Variants in STARD3 observed in about 807,000 individuals in gnomAD.
STARD3 encodes the protein StAR related lipid transfer domain containing 3, also known as stAR-related lipid transfer protein 3.
In STARD3, 39 loss-of-function variants were observed where a neutral mutation model predicts 62.0. The observed-to-expected ratio is 0.63, with a 90% confidence interval of 0.49 to 0.82. The LOEUF is 0.82. STARD3 is among the 40% of genes least tolerant of loss of function. The pLI is 0.00. For synonymous variants in STARD3, 229 were observed against 242.4 expected, an observed-to-expected ratio of 0.94 and a Z score of 0.51; for missense variants, 543 against 584.5, an observed-to-expected ratio of 0.93 and a Z score of 0.73.
intron 3 of STARD3, 45 bp from the exon 4 acceptor site, chr17:39,657,730 G>A (rs879057010): frequency 6.2e-7 from 1 of 1,607,428 alleles, no homozygotes; most frequent in South Asian, 1.1e-5. Context: ...AGCAGGGTGG[G>A]GGGCAGTAGC....
intron 2 of STARD3, among the ~76,000 whole-genome samples, chr17:39,655,067 A>C (rs577149038): frequency 6.6e-6 from 1 of 152,262 alleles, no homozygotes; most frequent in Non-Finnish European, 1.5e-5. Flanking sequence ...GGTCTTAGGC[A>C]GACTTCCTTT....
chr17:39,645,738 C>T (rs1226533200), intron 1 of STARD3, among the ~76,000 whole-genome samples: 1 of 150,498 alleles, frequency 6.6e-6, no homozygotes, highest in Non-Finnish European at 1.5e-5. Flanking sequence ...TCCCAAAGGG[C>T]TGAGCCACTG....
intron 1 of STARD3, among the ~76,000 whole-genome samples, chr17:39,639,023 C>G (rs551070163): frequency 2.0e-5 from 3 of 152,186 alleles, no homozygotes; most frequent in African/African-American, 4.8e-5. Flanking sequence ...GTGGGAGGAT[C>G]CTTTGAGCCC....
rs2057177323 is a variant in STARD3 at position 39,659,994 on chromosome 17, C to G, written c.796-217C>G. On this transcript the variant is annotated intron_variant, in intron 9 of 14. Transcript: ENST00000336308. ...TTTTGTGGTTGCAGCTGCAGCTGTC[C>G]CCCCGTCTTTTAACTCGACATCAAA... 19 of 591,922 alleles carry G rather than the reference C, an allele frequency of 3.2e-5. No individual in the cohort carries two copies. The South Asian group carries it at 3.7e-4, about 11-fold the overall frequency. The allele number at this position is 591,922 out of a possible 1,614,324, so 36.7% of individuals were successfully genotyped here.
chr17:39,653,392 A>G lies in STARD3; in HGVS notation c.-51-89A>G, dbSNP rs1021848427. On this transcript the variant is annotated intron_variant, in intron 1 of 14. Coordinates refer to ENST00000336308, the MANE Select transcript of STARD3 (RefSeq NM_006804.4). ...GGGCTTGGGACCCAGTGTAGAGACAAATGCGTTTGGGAGCCAGTGGTGGCC... is the reference window on the plus strand; with the variant it reads ...GGGCTTGGGACCCAGTGTAGAGACAGATGCGTTTGGGAGCCAGTGGTGGCC... The G allele has an allele frequency of 4.6e-6, 4 of 876,552 alleles. No individual in the cohort carries two copies. In the African/African-American group the frequency reaches 6.7e-5, roughly 15 times the overall value. The allele number at this position is 876,552 out of a possible 1,614,324, so 54.3% of individuals were successfully genotyped here.
Position 39,660,663 on chromosome 17 carries a change from T to TCGGGAGGAGGG in STARD3, c.954+139_955-135dup, listed in dbSNP as rs2057186708. On this transcript the variant is annotated intron_variant, in intron 11 of 14. Coordinates refer to ENST00000336308, the MANE Select transcript of STARD3 (RefSeq NM_006804.4). This position sits in a 1 kb window ranked among gnomAD's most constrained non-coding sequence, Gnocchi z 4.8. ...TGGTAACAGTGCCTGCTCGGGAGGG[T>TCGGGAGGAGGG]CGGGAGGAGGGCAGGAGGAGTGCTC... 1.3e-5 allele frequency: 17 copies of TCGGGAGGAGGG among 1,354,348 alleles called. No individual in the cohort carries two copies. The South Asian group carries it at 1.9e-4, about 15-fold the overall frequency. 83.9% of individuals were successfully genotyped at this position (1,354,348 alleles called of 1,614,324 possible). A position where few individuals can be genotyped will look rare whatever the true frequency, so the allele number is the denominator to read the frequency against.
At position 39,659,153 on chromosome 17, in the gene STARD3, G is replaced by A. The variant is rs760263795; in HGVS notation, c.702+47G>A. On this transcript the variant is annotated intron_variant, in intron 8 of 14. Coordinates refer to ENST00000336308, the MANE Select transcript of STARD3 (RefSeq NM_006804.4). ...ACCCCTGCCCTTGGAATGGGTGCCT[G>A]GAGGAGGGCGGGTGCAGGGGTCAGC... The A allele has an allele frequency of 3.1e-6, 5 of 1,612,234 alleles. No homozygotes were observed. In the African/African-American group the frequency reaches 5.3e-5, roughly 17 times the overall value.
chr17:39,656,583 C>G (rs1268844667), intron 2 of STARD3, among the ~76,000 whole-genome samples: 1 of 152,186 alleles, frequency 6.6e-6, no homozygotes, highest in Non-Finnish European at 1.5e-5. Context: ...CACTGCCCAC[C>G]CCCACCCCCC....
In STARD3 at chr17:39,644,686, A is replaced by AAG. The variant is rs542033197; in HGVS notation, c.-52+7456_-52+7457insGA. 6.9e-3 allele frequency among the ~76,000 whole-genome samples: 1,046 copies of AAG among 151,052 alleles called. 15 individuals carry two copies. Among genetic ancestry groups the AAG allele is most frequent in the African/African-American group, 0.024 (1,004 of 41,056 alleles). ...CCCTGTCTCTACAAAAAAAAAAAAAAAAGAAGAAGAAAAGAAAAGAAAAAT... is the reference window on the plus strand; with the variant it reads ...CCCTGTCTCTACAAAAAAAAAAAAAAAGAAGAAGAAGAAAAGAAAAGAAAAAT... On this transcript the variant is annotated intron_variant, in intron 1 of 14. Coordinates refer to ENST00000336308, the MANE Select transcript of STARD3 (RefSeq NM_006804.4).
At chr17:39,656,852 C>T (rs1331239872) in intron 2 of STARD3, 156 bp from the exon 3 acceptor site, 1 of 659,378 alleles carries the variant, frequency 1.5e-6, no homozygotes, top group African/African-American at 1.8e-5. Flanking sequence ...GGCTGAGATC[C>T]CTTGGTGCTT....
In STARD3 at chr17:39,661,087, T is replaced by C. The variant is rs765465782; in HGVS notation, c.1139+2T>C. ...GCCCCCGACGCACAAATATGTCCGG[T>C]GAGCCTCACTTTGCCTGGGGTCACC... is the stretch of plus-strand genomic sequence containing the variant. On this transcript the variant is annotated splice_donor_variant, in intron 13 of 14. Coordinates refer to ENST00000336308, the MANE Select transcript of STARD3 (RefSeq NM_006804.4). LOFTEE classifies it high-confidence loss of function. The C allele has an allele frequency of 1.9e-6, 3 of 1,613,252 alleles. No homozygotes were observed. The highest frequency in any genetic ancestry group is 2.5e-6 in the Non-Finnish European group (3 of 1,179,954).
intron 1 of STARD3, among the ~76,000 whole-genome samples, chr17:39,642,219 C>T (rs143867337): frequency 2.1e-4 from 32 of 152,326 alleles, no homozygotes; most frequent in Middle Eastern, 3.4e-3. Context: ...GTCTGGAGTC[C>T]TCCCTCCTCC....
chr17:39,661,174 C>T, intron 13 of STARD3, 89 bp downstream of exon 13: 2 of 1,194,180 alleles, frequency 1.7e-6, no homozygotes, highest in Non-Finnish European at 2.4e-6. Context: ...CAGCTGGGCA[C>T]TTCCCCTGCT....
chr17:39,656,230 T>C (rs1208154673), intron 2 of STARD3, among the ~76,000 whole-genome samples: 1 of 152,184 alleles, frequency 6.6e-6, no homozygotes, highest in Non-Finnish European at 1.5e-5. Flanking sequence ...GGTCTTCCTC[T>C]CCAGGGCTCC....
rs925112239 is a variant in STARD3, at chr17:39,662,192, G to GC, written c.1140-59_1140-58insC. 3 of 1,495,332 alleles carry GC rather than the reference G, an allele frequency of 2.0e-6. No homozygotes were observed. The African/African-American group carries it at 4.1e-5, about 21-fold the overall frequency. 92.6% of individuals were successfully genotyped at this position (1,495,332 alleles called of 1,614,324 possible). A position where few individuals can be genotyped will look rare whatever the true frequency, so the allele number is the denominator to read the frequency against. The stretch of plus-strand genomic sequence containing the variant: ...TGGAGTGTGAGTGGTAGGGGCTGCG[G>GC]GGGGGTGTCAGGGCCTCACTCTGTT... On this transcript the variant is annotated intron_variant, in intron 13 of 14. Transcript: ENST00000336308.
At chr17:39,643,407 C>T (rs2056997826) in intron 1 of STARD3, among the ~76,000 whole-genome samples, 1 of 152,128 alleles carries the variant, frequency 6.6e-6, no homozygotes, top group African/African-American at 2.4e-5. Flanking sequence ...GGACTGTGGG[C>T]AGCTCTCCTT....
chr17:39,640,342 C>T (rs1040270001), intron 1 of STARD3, among the ~76,000 whole-genome samples: 1 of 152,190 alleles, frequency 6.6e-6, no homozygotes, highest in Non-Finnish European at 1.5e-5. Flanking sequence ...CTGCATGTCT[C>T]CCAGAAACTG....
At chr17:39,639,424 GA>G (rs1391542407) in intron 1 of STARD3, among the ~76,000 whole-genome samples, 2 of 152,212 alleles carry the variant, frequency 1.3e-5, no homozygotes, top group Non-Finnish European at 2.9e-5. Context: ...ACTAGAGGGA[GA>G]AAAAGACCAG....
chr17:39,662,354 TG>T lies in STARD3; in HGVS notation c.1233+16del. ...TAATACAGATCTCAAGGTGGGGTGC[TG>T]GGGGGCTGCCAGGTGGGTTCTGTGG... On this transcript the variant is annotated intron_variant, in intron 14 of 14. Coordinates refer to ENST00000336308, the MANE Select transcript of STARD3 (RefSeq NM_006804.4). The T allele has an allele frequency of 1.2e-6, 2 of 1,612,716 alleles. No individual in the cohort carries two copies. Among genetic ancestry groups the T allele is most frequent in the South Asian group, 1.1e-5 (1 of 90,748 alleles).
Sources: gnomAD v4.1 joint callset for allele counts (sites outside exome capture counted in the v4.1 genomes callset) on GRCh38, gnomAD v4.1.1 for gene constraint, Gnocchi (gnomAD v3.1) non-coding constraint, MANE v1.5 for transcripts, NCBI Gene and HGNC (gene_info 2026-07-23, HGNC 2026-07-21) for gene names.